The following ALPI variants were observed in gnomAD, a reference collection of about 807,000 sequenced individuals.
ALPI encodes intestinal-type alkaline phosphatase.
A neutral mutation model predicts 51.5 loss-of-function variants in ALPI; 50 were observed. The ratio of observed to expected loss-of-function variants is 0.97; its 90% CI spans 0.77 to 1.23. The LOEUF (loss-of-function observed/expected upper bound fraction) is 1.23. Ranked by LOEUF, ALPI falls within the 50% of genes most tolerant of loss-of-function variation. ALPI has a pLI of 0.00. For synonymous variants in ALPI, 322 were observed against 308.2 expected, an observed-to-expected ratio of 1.04 and a Z score of -0.47; for missense variants, 692 against 722.4, an observed-to-expected ratio of 0.96 and a Z score of 0.48.
rs1170977817 is a variant in ALPI, at chr2:232,459,290, G to A, written c.*144G>A. The A allele has an allele frequency of 3.3e-5, 39 of 1,184,832 alleles. No individual in the cohort carries two copies. The highest frequency in any genetic ancestry group is 6.4e-5 in the South Asian group (4 of 62,208). 73.4% of individuals were successfully genotyped at this position (1,184,832 alleles called of 1,614,324 possible). A position where few individuals can be genotyped will look rare whatever the true frequency, so the allele number is the denominator to read the frequency against. ...TAGAGATAAACCAGCCTCAGCTGGC[G>A]CAGCGGGGCCCTTCTTCCCTCCGCA... On this transcript the variant is annotated 3_prime_UTR_variant, in exon 11 of 11. Transcript: ENST00000295463.
Position 232,457,716 on chromosome 2 carries a change from GGT to G in ALPI, c.783+21_783+22del. Reference sequence around the variant, plus strand: ...AAGCACCAGGTGATGGGGGCTGGTGGGTGTGGGAGGCACGGCAGGGGGAGGCC... The same window carrying G: ...AAGCACCAGGTGATGGGGGCTGGTGGGTGGGAGGCACGGCAGGGGGAGGCC... On this transcript the variant is annotated intron_variant, in intron 6 of 10. Coordinates refer to ENST00000295463, the MANE Select transcript of ALPI (RefSeq NM_001631.5). The surrounding 1 kb of genome is among the most constrained non-coding windows in gnomAD (Gnocchi z 4.7). 1 of 1,610,484 alleles carries G rather than the reference GGT, an allele frequency of 6.2e-7. No individual in the cohort carries two copies.
chr2:232,458,539 C>A, intron 9 of ALPI, 93 bp from the exon 10 acceptor site: 1 of 1,533,100 alleles, frequency 6.5e-7, no homozygotes, highest in East Asian at 2.3e-5. Flanking sequence ...GGACCGAGCC[C>A]CCGAACAGGC....
chr2:232,457,084 G>T lies in ALPI; in HGVS notation c.475+11G>T, dbSNP rs754395184. ...GGGCCAAGCAAGCAGGTGAGCTGGG[G>T]CCCGCTGTGGGGTCAGGACCAGGCC... is the stretch of plus-strand genomic sequence containing the variant. On this transcript the variant is annotated intron_variant, in intron 4 of 10. Coordinates refer to ENST00000295463, the MANE Select transcript of ALPI (RefSeq NM_001631.5). The surrounding 1 kb of genome is among the most constrained non-coding windows in gnomAD (Gnocchi z 4.7). The T allele has an allele frequency of 1.9e-6, 3 of 1,613,414 alleles. No individual in the cohort carries two copies. Among genetic ancestry groups the T allele is most frequent in the Non-Finnish European group, 2.5e-6 (3 of 1,179,938 alleles).
rs567263838 is a variant in ALPI, at chr2:232,457,322, C to G, written c.648C>G (p.Asp216Glu). The G allele has an allele frequency of 1.2e-6, 2 of 1,601,564 alleles. No individual in the cohort carries two copies. The highest frequency in any genetic ancestry group is 1.7e-4 in the Middle Eastern group (1 of 5,904). The change falls in exon 5 of 11, where the codon GAC becomes GAG. Residue 216 changes from aspartate to glutamate, a missense_variant and splice_region_variant. Coordinates refer to ENST00000295463, the MANE Select transcript of ALPI (RefSeq NM_001631.5). The surrounding 1 kb of genome is among the most constrained non-coding windows in gnomAD (Gnocchi z 4.7). ...AGCTCATCTCCAACATGGACATTGA[C>G]GTGCGACCCCCGGGCCAAGGGCTGG... ...ATQLISNMDI[D>E]VILGGGRKYM...
chr2:232,457,748 G>C lies in ALPI; in HGVS notation c.784-47G>C, dbSNP rs199684542. On this transcript the variant is annotated intron_variant, in intron 6 of 10. Coordinates refer to ENST00000295463, the MANE Select transcript of ALPI (RefSeq NM_001631.5). This position sits in a 1 kb window ranked among gnomAD's most constrained non-coding sequence, Gnocchi z 4.7. ...GAGGCACGGCAGGGGGAGGCCAAGT[G>C]TGTGGGTCTCAGGGCTGTGGGCTGA... 1.5e-5 allele frequency: 24 copies of C among 1,612,190 alleles called. 1 individual carries two copies. Among genetic ancestry groups the C allele is most frequent in the South Asian group, 8.8e-5 (8 of 90,836 alleles).
rs1690184059 is a variant in ALPI at position 232,456,359 on chromosome 2, G to A, written c.78G>A (p.Glu26=). The stretch of plus-strand genomic sequence containing the variant: ...TCTCCCCCTGGCCAGCTGAGGAGGA[G>A]AACCCGGCCTTCTGGAACCGCCAGG... ...LSLGVIPAEE[E]NPAFWNRQAA... is the part of the protein sequence containing the mutation. The change falls in exon 2 of 11, where the codon GAG becomes GAA. Residue 26 remains glutamate, a synonymous_variant. Coordinates refer to ENST00000295463, the MANE Select transcript of ALPI (RefSeq NM_001631.5). The surrounding 1 kb of genome is among the most constrained non-coding windows in gnomAD (Gnocchi z 4.2). The A allele has an allele frequency of 2.5e-6, 4 of 1,614,022 alleles. No individual in the cohort carries two copies. The highest frequency in any genetic ancestry group is 1.3e-5 in the African/African-American group (1 of 75,008).
chr2:232,456,846 T>C lies in ALPI; in HGVS notation c.301-53T>C, dbSNP rs567673319. 1.9e-5 allele frequency: 31 copies of C among 1,605,158 alleles called. No homozygotes were observed. In the African/African-American group the frequency reaches 3.5e-4, roughly 18 times the overall value. On this transcript the variant is annotated intron_variant, in intron 3 of 10. Transcript: ENST00000295463. This position sits in a 1 kb window ranked among gnomAD's most constrained non-coding sequence, Gnocchi z 4.2. ...CAGAGGACCAGAACCAGGTCCTTGG[T>C]TGGGGTCTGGGTGTCCGCCCCGAAG...
In ALPI at chr2:232,457,669, C is replaced by T; in HGVS notation, c.753C>T (p.Asn251=). ...ATGGAATCAGGCTGGACGGGAAGAA[C>T]CTGGTGCAGGAATGGCTGGCAAAGC... The part of the protein sequence containing the change: ...SQNGIRLDGK[N]LVQEWLAKHQ... The change falls in exon 6 of 11, where the codon AAC becomes AAT. Residue 251 remains asparagine, a synonymous_variant. Coordinates refer to ENST00000295463, the MANE Select transcript of ALPI (RefSeq NM_001631.5). The surrounding 1 kb of genome is among the most constrained non-coding windows in gnomAD (Gnocchi z 4.7). The T allele has an allele frequency of 6.2e-7, 1 of 1,613,746 alleles. No homozygotes were observed. The highest frequency in any genetic ancestry group is 8.5e-7 in the Non-Finnish European group (1 of 1,179,728).
At position 232,458,384 on chromosome 2, in the gene ALPI, A is replaced by T; in HGVS notation, c.1159A>T (p.Thr387Ser). Residue 387 changes from threonine to serine, a missense_variant, in exon 9 of 11, where the codon ACC (threonine) becomes TCC (serine). Transcript: ENST00000295463. ...CCATGTCTTCTCCTTTGGTGGCTAC[A>T]CCTTGCGAGGGAGCTCCATCTTCGG... ...HSHVFSFGGY[T>S]LRGSSIFGLA... 1.2e-6 allele frequency: 2 copies of T among 1,613,634 alleles called. No homozygotes were observed. The highest frequency in any genetic ancestry group is 1.7e-4 in the Middle Eastern group (1 of 5,914).
At position 232,457,005 on chromosome 2, in the gene ALPI, G is replaced by C. The variant is rs780627683; in HGVS notation, c.407G>C (p.Arg136Pro). Residue 136 changes from arginine (R) to proline (P), a missense_variant, in exon 4 of 11, where the codon CGC becomes CCC. Arg to Pro is a moderately radical substitution (Grantham distance 103). Coordinates refer to ENST00000295463, the MANE Select transcript of ALPI (RefSeq NM_001631.5). This position sits in a 1 kb window ranked among gnomAD's most constrained non-coding sequence, Gnocchi z 4.7. ...ACCATCGGCTTGAGTGCAGCCGCCCGCTTTAACCAGTGCAACACGACACGC... is the reference window on the plus strand; with the variant it reads ...ACCATCGGCTTGAGTGCAGCCGCCCCCTTTAACCAGTGCAACACGACACGC... ...FQTIGLSAAARFNQCNTTRGN... is the reference protein window; with the variant it reads ...FQTIGLSAAAPFNQCNTTRGN... 1 of 1,613,540 alleles carries C rather than the reference G, an allele frequency of 6.2e-7. No homozygotes were observed. The highest frequency in any genetic ancestry group is 8.5e-7 in the Non-Finnish European group (1 of 1,180,022).
Position 232,457,340 on chromosome 2 carries a change from A to AGGGATG in ALPI, c.648+21_648+22insATGGGG. ...ACATTGACGTGCGACCCCCGGGCCA[A>AGGGATG]GGGCTGGGGCTGGGCAGAGGGGAAG... On this transcript the variant is annotated intron_variant, in intron 5 of 10. Transcript: ENST00000295463. The surrounding 1 kb of genome is among the most constrained non-coding windows in gnomAD (Gnocchi z 4.7). 6.3e-7 allele frequency: 1 copy of AGGGATG among 1,590,434 alleles called. No individual in the cohort carries two copies. Among genetic ancestry groups the AGGGATG allele is most frequent in the East Asian group, 2.2e-5 (1 of 44,796 alleles).
Position 232,460,643 on chromosome 2 carries a change from T to C in ALPI, c.*1497T>C, listed in dbSNP as rs1260977516. Among the ~76,000 whole-genome samples, 1 of 152,250 alleles carries C rather than the reference T, an allele frequency of 6.6e-6. No homozygotes were observed. The highest frequency in any genetic ancestry group is 2.4e-5 in the African/African-American group (1 of 41,466). ...GCAGTATTACAAATTTATTTGTACATTTACAAAGGTGCAAAAAAGCATCTT... is the reference window on the plus strand; with the variant it reads ...GCAGTATTACAAATTTATTTGTACACTTACAAAGGTGCAAAAAAGCATCTT... On this transcript the variant is annotated 3_prime_UTR_variant, in exon 11 of 11. Coordinates refer to ENST00000295463, the MANE Select transcript of ALPI (RefSeq NM_001631.5).
Position 232,458,128 on chromosome 2 carries a change from G to A in ALPI, c.987G>A (p.Val329=), listed in dbSNP as rs377731366. 1.7e-5 allele frequency: 27 copies of A among 1,613,952 alleles called. No homozygotes were observed. The highest frequency in any genetic ancestry group is 2.3e-5 in the Non-Finnish European group (27 of 1,180,006). The stretch of plus-strand genomic sequence containing the variant: ...ACCCCCGCGGCTTCTACCTCTTTGT[G>A]GAGGGTGCGTGGTGGCCCCTGGGGA... ...SRNPRGFYLF[V]EGGRIDHGHH... Residue 329 remains valine (V), a synonymous_variant, in exon 8 of 11, where the codon GTG becomes GTA. Coordinates refer to ENST00000295463, the MANE Select transcript of ALPI (RefSeq NM_001631.5).
In ALPI at chr2:232,458,039, G is replaced by T; in HGVS notation, c.898G>T (p.Asp300Tyr). The change falls in exon 8 of 11, where the codon GAC (aspartate) becomes TAC (tyrosine). Residue 300 changes from aspartate to tyrosine, a missense_variant. Coordinates refer to ENST00000295463, the MANE Select transcript of ALPI (RefSeq NM_001631.5). ...AGACACGAAATATGAGATCCACCGA[G>T]ACCCCACACTGGACCCCTCCCTGAT... ...PGDTKYEIHRDPTLDPSLMEM... is the reference protein window; with the variant it reads ...PGDTKYEIHRYPTLDPSLMEM... 1 of 1,609,460 alleles carries T rather than the reference G, an allele frequency of 6.2e-7. No individual in the cohort carries two copies. Among genetic ancestry groups the T allele is most frequent in the Non-Finnish European group, 8.5e-7 (1 of 1,178,070 alleles).
rs376733154 is a variant in ALPI at position 232,456,335 on chromosome 2, C to T, written c.68-14C>T. ...CAGCCAGGCTGACCTGATCTCTACT[C>T]TCCCCCTGGCCAGCTGAGGAGGAGA... On this transcript the variant is annotated splice_polypyrimidine_tract_variant and intron_variant, in intron 1 of 10. Coordinates refer to ENST00000295463, the MANE Select transcript of ALPI (RefSeq NM_001631.5). The surrounding 1 kb of genome is among the most constrained non-coding windows in gnomAD (Gnocchi z 4.2). 3.1e-5 allele frequency: 50 copies of T among 1,614,046 alleles called. No homozygotes were observed. The highest frequency in any genetic ancestry group is 4.2e-5 in the Non-Finnish European group (49 of 1,180,026).
chr2:232,458,625 C>G lies in ALPI; in HGVS notation c.1184-7C>G, dbSNP rs1204131615. ...GCTCAACTACAGGGACCCGCATCTC[C>G]CTACAGGGTTGGCCCCCAGCAAGGC... On this transcript the variant is annotated splice_polypyrimidine_tract_variant and splice_region_variant and intron_variant, in intron 9 of 10. Transcript: ENST00000295463. 1 of 1,613,212 alleles carries G rather than the reference C, an allele frequency of 6.2e-7. No homozygotes were observed. The highest frequency in any genetic ancestry group is 8.5e-7 in the Non-Finnish European group (1 of 1,179,498).
rs2106409388 is a variant in ALPI at position 232,456,831 on chromosome 2, G to GA, written c.301-66dup. The GA allele has an allele frequency of 6.3e-7, 1 of 1,596,224 alleles. No individual in the cohort carries two copies. Among genetic ancestry groups the GA allele is most frequent in the East Asian group, 2.3e-5 (1 of 44,378 alleles). On this transcript the variant is annotated intron_variant, in intron 3 of 10. Coordinates refer to ENST00000295463, the MANE Select transcript of ALPI (RefSeq NM_001631.5). The surrounding 1 kb of genome is among the most constrained non-coding windows in gnomAD (Gnocchi z 4.2). The stretch of plus-strand genomic sequence containing the variant: ...GAGCAGTTAGGATCCCAGAGGACCA[G>GA]AACCAGGTCCTTGGTTGGGGTCTGG...
In ALPI at chr2:232,457,702, G is replaced by A. The variant is rs1296408990; in HGVS notation, c.783+3G>A. ...AGGAATGGCTGGCAAAGCACCAGGT[G>A]ATGGGGGCTGGTGGGTGTGGGAGGC... On this transcript the variant is annotated splice_donor_region_variant and intron_variant, in intron 6 of 10. Coordinates refer to ENST00000295463, the MANE Select transcript of ALPI (RefSeq NM_001631.5). This position sits in a 1 kb window ranked among gnomAD's most constrained non-coding sequence, Gnocchi z 4.7. 1 of 1,611,756 alleles carries A rather than the reference G, an allele frequency of 6.2e-7. No homozygotes were observed. Among genetic ancestry groups the A allele is most frequent in the South Asian group, 1.1e-5 (1 of 90,826 alleles).
In ALPI at chr2:232,457,619, G is replaced by A; in HGVS notation, c.703G>A (p.Glu235Lys). The change falls in exon 6 of 11, where the codon GAG becomes AAG. Residue 235 changes from glutamate (E) to lysine (K), a missense_variant. Glu to Lys is a moderately conservative substitution (Grantham distance 56). Transcript: ENST00000295463. This position sits in a 1 kb window ranked among gnomAD's most constrained non-coding sequence, Gnocchi z 4.7. ...GTTTCCCATGGGGACCCCAGACCCT[G>A]AGTACCCAGCTGATGCCAGCCAGAA... ...YMFPMGTPDP[E>K]YPADASQNGI... 1 of 1,614,056 alleles carries A rather than the reference G, an allele frequency of 6.2e-7. No individual in the cohort carries two copies. The highest frequency in any genetic ancestry group is 1.1e-5 in the South Asian group (1 of 91,072).
Sources: gnomAD v4.1 joint callset for allele counts (sites outside exome capture counted in the v4.1 genomes callset) on GRCh38, gnomAD v4.1.1 for gene constraint, Gnocchi (gnomAD v3.1) non-coding constraint, MANE v1.5 for transcripts, NCBI Gene and HGNC (gene_info 2026-07-23, HGNC 2026-07-21) for gene names.